ROBO1: variants seen among roughly 807,000 people sequenced by gnomAD.
The protein encoded by ROBO1 is roundabout guidance receptor 1.
Under a neutral mutation model 195.9 loss-of-function variants are expected in ROBO1, and 149 were observed. The observed-to-expected ratio is 0.76, with a 90% CI of 0.67 to 0.87. ROBO1 has a LOEUF of 0.87. ROBO1 is among the 40% of genes least tolerant of loss of function. ROBO1 has a pLI of 0.00. For synonymous variants in ROBO1, 816 were observed against 733.2 expected (o/e 1.11, Z -1.82); for missense variants, 1,933 against 2,068.3 (o/e 0.93, Z 1.27).
At chr3:78,622,752 C>T (rs1704530566) in intron 26 of ROBO1, among the ~76,000 whole-genome samples, 1 of 152,182 alleles carries the variant, frequency 6.6e-6, no homozygotes, top group Non-Finnish European at 1.5e-5. Context: ...CCCCTTCCTG[C>T]CTTTTGGATG....
At chr3:79,144,421 C>T (rs749059168) in intron 2 of ROBO1, among the ~76,000 whole-genome samples, 136 of 152,016 alleles carry the variant, frequency 8.9e-4, no homozygotes, top group Non-Finnish European at 1.4e-3. Context: ...CCTTTTTCCC[C>T]TACTGTCTAC....
At chr3:79,354,903 C>G (rs1412072717) in intron 2 of ROBO1, among the ~76,000 whole-genome samples, 1 of 152,146 alleles carries the variant, frequency 6.6e-6, no homozygotes, top group Non-Finnish European at 1.5e-5. Context: ...CATGGTGGCT[C>G]ACGCCTGTAA....
intron 1 of ROBO1, among the ~76,000 whole-genome samples, chr3:79,633,723 G>T (rs1168897133): frequency 2.6e-5 from 1 of 38,702 alleles, no homozygotes; most frequent in Non-Finnish European, 5.2e-5. Flanking sequence ...CTTGAATAGT[G>T]ATTTAAAAAA....
Position 79,301,451 on chromosome 3 carries a change from A to G in ROBO1, c.89-175912T>C, listed in dbSNP as rs140503115. Among the ~76,000 whole-genome samples, 23 of 152,288 alleles carry G rather than the reference A, an allele frequency of 1.5e-4. No individual in the cohort carries two copies. The East Asian group carries it at 4.4e-3, about 29-fold the overall frequency. On this transcript the variant is annotated intron_variant, in intron 2 of 30. Transcript: ENST00000464233. ...CATATGCTCATTCTTTCCTTTAAGT[A>G]ATTCCTTTATGTTAAGCAATGCCCC...
chr3:79,019,681 C>A (rs2078057311), intron 3 of ROBO1, among the ~76,000 whole-genome samples: 1 of 152,080 alleles, frequency 6.6e-6, no homozygotes, highest in South Asian at 2.1e-4. Context: ...GAAATCCAGG[C>A]GAATGAGAAA....
At chr3:79,277,536 T>C (rs1314572214) in intron 2 of ROBO1, among the ~76,000 whole-genome samples, 1 of 152,010 alleles carries the variant, frequency 6.6e-6, no homozygotes, top group East Asian at 1.9e-4. Context: ...TATGGTTATA[T>C]AGAATAAATA....
rs531569133 is a variant in ROBO1 at position 79,744,245 on chromosome 3, A to G, written c.-51+23507T>C. On this transcript the variant is annotated intron_variant, in intron 1 of 30. Transcript: ENST00000464233. ...CTCGTGGGTCCACCAGTGTGTATAT[A>G]TCATGTATATGGTCCATCACTGACT... 5.3e-5 allele frequency among the ~76,000 whole-genome samples: 8 copies of G among 152,296 alleles called. No individual in the cohort carries two copies. In the South Asian group the frequency reaches 1.7e-3, roughly 32 times the overall value.
intron 2 of ROBO1, among the ~76,000 whole-genome samples, chr3:79,493,332 T>C (rs955512931): frequency 6.6e-6 from 1 of 151,988 alleles, no homozygotes; most frequent in Non-Finnish European, 1.5e-5. Context: ...TTAGAATTTA[T>C]AATATGTGAT....
intron 19 of ROBO1, among the ~76,000 whole-genome samples, chr3:78,648,072 A>G (rs1301818222): frequency 1.3e-5 from 2 of 152,076 alleles, no homozygotes; most frequent in East Asian, 1.9e-4. Context: ...AATGCTTATT[A>G]AAGTGAACTA....
At chr3:78,674,293 G>C (rs1047151746) in intron 10 of ROBO1, among the ~76,000 whole-genome samples, 5 of 152,156 alleles carry the variant, frequency 3.3e-5, no homozygotes, top group Admixed American at 1.3e-4. Flanking sequence ...CTTCATGTTT[G>C]ATTCTGCCTT....
intron 2 of ROBO1, among the ~76,000 whole-genome samples, chr3:79,545,133 G>A (rs904453203): frequency 3.9e-5 from 6 of 152,078 alleles, no homozygotes; most frequent in African/African-American, 1.2e-4. Flanking sequence ...AATGAGCTGC[G>A]TATGATCAGA....
chr3:79,297,707 C>T (rs1412901410), intron 2 of ROBO1, among the ~76,000 whole-genome samples: 6 of 152,096 alleles, frequency 3.9e-5, no homozygotes, highest in Admixed American at 2.6e-4. Context: ...AGAAATTGTT[C>T]TAAATATTCT....
intron 1 of ROBO1, among the ~76,000 whole-genome samples, chr3:79,625,491 A>T (rs1945148047): frequency 6.6e-6 from 1 of 150,778 alleles, no homozygotes; most frequent in Non-Finnish European, 1.5e-5. Context: ...AAGAGAGAAG[A>T]ATCAAATGCA....
chr3:79,571,932 A>G (rs941094753), intron 2 of ROBO1, among the ~76,000 whole-genome samples: 1 of 152,098 alleles, frequency 6.6e-6, no homozygotes, highest in Non-Finnish European at 1.5e-5. Flanking sequence ...AAATTGCTCA[A>G]TACAAGTTTG....
At position 79,548,769 on chromosome 3, in the gene ROBO1, T is replaced by C. The variant is rs969927167; in HGVS notation, c.88+41055A>G. On this transcript the variant is annotated intron_variant, in intron 2 of 30. Coordinates refer to ENST00000464233, the MANE Select transcript of ROBO1 (RefSeq NM_002941.4). ...GTTGCTCCTGAGTATGAGTTCTTGA[T>C]GCTCTGGGAGAAGTGACCAATGATA... Among the ~76,000 whole-genome samples, 8 of 152,308 alleles carry C rather than the reference T, an allele frequency of 5.3e-5. 1 individual carries two copies. Among genetic ancestry groups the C allele is most frequent in the Middle Eastern group, 6.8e-3 (2 of 294 alleles).
intron 21 of ROBO1, among the ~76,000 whole-genome samples, chr3:78,641,107 C>CGTTT (rs139704297): frequency 0.082 from 12,473 of 151,716 alleles, 658 homozygotes; most frequent in African/African-American, 0.15. Context: ...GGCATTGTTC[C>CGTTT]GTTTGTTTGT....
chr3:79,693,544 C>A lies in ROBO1; in HGVS notation c.-51+74208G>T, dbSNP rs527687770. Among the ~76,000 whole-genome samples, 7 of 151,684 alleles carry A rather than the reference C, an allele frequency of 4.6e-5. No homozygotes were observed. The East Asian group carries it at 1.4e-3, about 30-fold the overall frequency. On this transcript the variant is annotated intron_variant, in intron 1 of 30. Transcript: ENST00000464233. ...CTTGAACTCTTGGGCTGAAGCAATC[C>A]TCCTCAGTTTCCAAGTAGGTAGGGC... is the stretch of plus-strand genomic sequence containing the variant.
At chr3:78,663,386 T>C (rs1162567254) in intron 14 of ROBO1, among the ~76,000 whole-genome samples, 1 of 152,036 alleles carries the variant, frequency 6.6e-6, no homozygotes, top group Non-Finnish European at 1.5e-5. Context: ...CCTTTACCAA[T>C]ATTTTTGGTT....
chr3:78,993,586 T>C (rs574541941), intron 3 of ROBO1, among the ~76,000 whole-genome samples: 1 of 152,266 alleles, frequency 6.6e-6, no homozygotes, highest in East Asian at 1.9e-4. Flanking sequence ...GCCTTGACCT[T>C]TGCATTTCCG....
Sources: allele counts gnomAD v4.1 joint callset (sites outside exome capture counted in the v4.1 genomes callset), GRCh38; gene constraint gnomAD v4.1.1; transcripts MANE v1.5; gene names NCBI Gene and HGNC (gene_info 2026-07-23, HGNC 2026-07-21).